Variants in MACROD2 observed in about 807,000 individuals in gnomAD.
MACROD2 encodes the protein mono-ADP ribosylhydrolase 2.
A neutral mutation model predicts 70.4 loss-of-function variants in MACROD2; 36 were observed. That is an observed-to-expected ratio of 0.51 (90% confidence interval 0.39 to 0.68). The LOEUF is 0.68. Ranked by LOEUF, MACROD2 falls within the 30% of genes least tolerant of loss-of-function variation. MACROD2 has a pLI of 0.00. For synonymous variants in MACROD2, 172 were observed against 178.8 expected (o/e 0.96, Z 0.30); for missense variants, 496 against 538.4 (o/e 0.92, Z 0.78).
rs112862531 is a variant in MACROD2 at position 14,908,665 on chromosome 20, GA to G, written c.418+223718del. Among the ~76,000 whole-genome samples, 302 of 143,312 alleles carry G rather than the reference GA, an allele frequency of 2.1e-3. 1 individual carries two copies. Among genetic ancestry groups the G allele is most frequent in the Middle Eastern group, 7.2e-3 (2 of 278 alleles). 94.0% of individuals were successfully genotyped at this position (143,312 alleles called of 152,430 possible). Reference sequence around the variant, plus strand: ...GTGACAGAGCAGACTCTGTCTGCCAGAAAAAAAAAAAAGTGTATCTTCAGAG... The same window carrying G: ...GTGACAGAGCAGACTCTGTCTGCCAGAAAAAAAAAAAGTGTATCTTCAGAG... On this transcript the variant is annotated intron_variant, in intron 5 of 17. Transcript: ENST00000684519.
In MACROD2 at chr20:15,671,506, A is replaced by T. The variant is rs188736802; in HGVS notation, c.645+171659A>T. Among the ~76,000 whole-genome samples, 458 of 152,334 alleles carry T rather than the reference A, an allele frequency of 3.0e-3. 3 individuals are homozygous for T. Among genetic ancestry groups the T allele is most frequent in the African/African-American group, 0.01 (428 of 41,572 alleles). On this transcript the variant is annotated intron_variant, in intron 8 of 17. Transcript: ENST00000684519. ...CTAATCAAAATTGTTACTGAACATC[A>T]TAAAGAACGTGAGGAGAGGCCTCTA...
At chr20:15,718,901 G>C (rs896953669) in intron 8 of MACROD2, among the ~76,000 whole-genome samples, 26 of 152,180 alleles carry the variant, frequency 1.7e-4, no homozygotes, top group Non-Finnish European at 8.8e-5. Flanking sequence ...TGGATGTTAA[G>C]ATGGTGGTAT....
chr20:14,699,218 T>C (rs1276884621), intron 5 of MACROD2, among the ~76,000 whole-genome samples: 1 of 152,188 alleles, frequency 6.6e-6, no homozygotes, highest in Non-Finnish European at 1.5e-5. Flanking sequence ...CTAAGCTCAA[T>C]TTATTGTTAA....
At chr20:15,544,251 T>C (rs2047997766) in intron 8 of MACROD2, among the ~76,000 whole-genome samples, 1 of 152,200 alleles carries the variant, frequency 6.6e-6, no homozygotes, top group African/African-American at 2.4e-5. Context: ...GCTATGGCGT[T>C]AATAATAATA....
intron 6 of MACROD2, among the ~76,000 whole-genome samples, chr20:15,266,439 G>A (rs1019120653): frequency 6.6e-6 from 1 of 152,154 alleles, no homozygotes; most frequent in African/African-American, 2.4e-5. Flanking sequence ...TTGTGCCAAT[G>A]ATACAAAATC....
intron 11 of MACROD2, among the ~76,000 whole-genome samples, chr20:15,934,312 A>T (rs998988406): frequency 1.3e-5 from 2 of 152,164 alleles, no homozygotes; most frequent in Non-Finnish European, 1.5e-5. Context: ...TTTGCTAGGG[A>T]TCTGGAAGCT....
At chr20:14,298,116 T>G (rs768923572) in intron 3 of MACROD2, among the ~76,000 whole-genome samples, 9 of 151,958 alleles carry the variant, frequency 5.9e-5, no homozygotes, top group Non-Finnish European at 8.8e-5. Context: ...AGAAAGATTA[T>G]TTTCAAAATA....
At chr20:14,874,681 ATTTATTTATTTAT>A (rs1009440495) in intron 5 of MACROD2, among the ~76,000 whole-genome samples, 1 of 103,220 alleles carries the variant, frequency 9.7e-6, no homozygotes, top group African/African-American at 3.4e-5. Context: ...GTATTTATTT[ATTTATTTATTTAT>A]TTATTTATTT....
At chr20:14,993,080 C>T (rs1458190424) in intron 5 of MACROD2, among the ~76,000 whole-genome samples, 1 of 152,074 alleles carries the variant, frequency 6.6e-6, no homozygotes, top group Non-Finnish European at 1.5e-5. Flanking sequence ...CTTTCTGGTA[C>T]TTTGCCAGAA....
chr20:15,284,440 G>T (rs2077473640), intron 6 of MACROD2, among the ~76,000 whole-genome samples: 1 of 152,148 alleles, frequency 6.6e-6, no homozygotes, highest in South Asian at 2.1e-4. Flanking sequence ...TTCAGGTGAG[G>T]TTTAAATTTT....
Position 15,230,800 on chromosome 20 carries a change from A to C in MACROD2, c.540+739A>C, listed in dbSNP as rs919202454. ...TTGCAACATGTTCTACCTTTATTAC[A>C]TCTCAATTACACCAAGAAAATCAAA... On this transcript the variant is annotated intron_variant, in intron 6 of 17. Coordinates refer to ENST00000684519, the MANE Select transcript of MACROD2 (RefSeq NM_001351661.2). Among the ~76,000 whole-genome samples, 7 of 152,226 alleles carry C rather than the reference A, an allele frequency of 4.6e-5. No individual in the cohort carries two copies. In the East Asian group the frequency reaches 1.2e-3, roughly 25 times the overall value.
chr20:15,360,962 C>A (rs1199628414), intron 6 of MACROD2, among the ~76,000 whole-genome samples: 2 of 151,082 alleles, frequency 1.3e-5, no homozygotes, highest in East Asian at 3.9e-4. Context: ...GATATCGGAC[C>A]TTTGTCATAT....
chr20:14,101,023 A>AT (rs942583994), intron 3 of MACROD2, among the ~76,000 whole-genome samples: 30 of 150,674 alleles, frequency 2.0e-4, no homozygotes, highest in Non-Finnish European at 3.7e-4. Flanking sequence ...TGTCAGTACA[A>AT]TTTTTTTATT....
At chr20:14,776,075 C>A (rs1054925722) in intron 5 of MACROD2, among the ~76,000 whole-genome samples, 1 of 151,966 alleles carries the variant, frequency 6.6e-6, no homozygotes, top group South Asian at 2.1e-4. Context: ...CCAGATATTG[C>A]CATGACTGCT....
At chr20:14,744,903 A>C (rs1249484282) in intron 5 of MACROD2, among the ~76,000 whole-genome samples, 1 of 152,292 alleles carries the variant, frequency 6.6e-6, no homozygotes, top group Non-Finnish European at 1.5e-5. Flanking sequence ...CCACAAAATC[A>C]GAAGTAAGAA....
chr20:14,654,072 G>A (rs1055398411), intron 4 of MACROD2, among the ~76,000 whole-genome samples: 7 of 152,110 alleles, frequency 4.6e-5, no homozygotes, highest in African/African-American at 1.7e-4. Context: ...AAAATAAGGT[G>A]TGAAAAGCAC....
At chr20:15,896,414 T>C (rs999304200) in intron 10 of MACROD2, among the ~76,000 whole-genome samples, 1 of 152,182 alleles carries the variant, frequency 6.6e-6, no homozygotes, top group Non-Finnish European at 1.5e-5. Context: ...GTATTTAGAT[T>C]CAGAAGAAAA....
chr20:14,723,734 C>G (rs372667672), intron 5 of MACROD2, among the ~76,000 whole-genome samples: 1 of 151,700 alleles, frequency 6.6e-6, no homozygotes, highest in Admixed American at 6.6e-5. Context: ...CGGCTTTTCA[C>G]AAAAATTATG....
chr20:15,476,344 G>T (rs576272864), intron 7 of MACROD2, among the ~76,000 whole-genome samples: 12 of 152,136 alleles, frequency 7.9e-5, no homozygotes, highest in Admixed American at 3.9e-4. Context: ...ACACAGAAAA[G>T]GAAAATGAAA....
Sources: allele counts gnomAD v4.1 joint callset (sites outside exome capture counted in the v4.1 genomes callset), GRCh38; gene constraint gnomAD v4.1.1; transcripts MANE v1.5; gene names NCBI Gene and HGNC (gene_info 2026-07-23, HGNC 2026-07-21).